Variants in NRXN3 observed in about 807,000 individuals in gnomAD.
The protein encoded by NRXN3 is neurexin III.
In NRXN3, 32 loss-of-function variants were observed where a neutral mutation model predicts 137.6. The ratio of observed to expected loss-of-function variants is 0.23; its 90% confidence interval spans 0.18 to 0.31. The LOEUF (loss-of-function observed/expected upper bound fraction) is 0.31, where lower values mean the gene tolerates loss of function less well. Among genes scored for constraint, NRXN3 ranks in the 10% least tolerant of loss-of-function variants. The pLI is 1.00. For synonymous variants in NRXN3, 798 were observed against 784.5 expected (o/e 1.02, Z -0.29); for missense variants, 1,574 against 2,062.5 (o/e 0.76, Z 4.59).
At chr14:79,743,525 A>G (rs1421897498) in intron 19 of NRXN3, among the ~76,000 whole-genome samples, 1 of 152,164 alleles carries the variant, frequency 6.6e-6, no homozygotes, top group East Asian at 1.9e-4. Flanking sequence ...CCCCCACCCC[A>G]CAACACTTTA....
At chr14:79,311,560 G>A (rs1252231167) in intron 15 of NRXN3, among the ~76,000 whole-genome samples, 1 of 112,126 alleles carries the variant, frequency 8.9e-6, no homozygotes, top group Non-Finnish European at 1.8e-5. Context: ...AATCCATCTG[G>A]TCCTGGACTC....
rs370669288 is a variant in NRXN3, at chr14:78,602,267, C to CTTTTTTTTTTT, written c.758-42842_758-42832dup. On this transcript the variant is annotated intron_variant, in intron 4 of 20. Coordinates refer to ENST00000335750, the MANE Select transcript of NRXN3 (RefSeq NM_001330195.2). ...GGTTTGGTTTGCATTTCACATTAGC[C>CTTTTTTTTTTT]TTTTTTTTTTTTTTTTTTTTTAAAT... Among the ~76,000 whole-genome samples, 573 of 115,170 alleles carry CTTTTTTTTTTT rather than the reference C, an allele frequency of 5.0e-3. 22 individuals are homozygous for CTTTTTTTTTTT. The highest frequency in any genetic ancestry group is 0.019 in the African/African-American group (509 of 27,220). The allele number at this position is 115,170 out of a possible 152,430, so 75.6% of individuals were successfully genotyped here.
intron 1 of NRXN3, among the ~76,000 whole-genome samples, chr14:78,219,710 T>C (rs2063644557): frequency 6.6e-6 from 1 of 152,242 alleles, no homozygotes; most frequent in Non-Finnish European, 1.5e-5. Flanking sequence ...TCTAAGGAGC[T>C]TGGACTCTTT....
chr14:79,283,533 A>G (rs989668782), intron 15 of NRXN3, among the ~76,000 whole-genome samples: 8 of 152,172 alleles, frequency 5.3e-5, no homozygotes, highest in Non-Finnish European at 1.2e-4. Flanking sequence ...AAAATTGGTT[A>G]TATTATAGAT....
At chr14:79,844,606 G>C (rs939718056) in intron 20 of NRXN3, among the ~76,000 whole-genome samples, 1 of 151,954 alleles carries the variant, frequency 6.6e-6, no homozygotes, top group African/African-American at 2.4e-5. Context: ...ATTTTGAAAG[G>C]AATCTTTTAT....
intron 16 of NRXN3, among the ~76,000 whole-genome samples, chr14:79,524,724 C>G (rs1479079815): frequency 6.6e-6 from 1 of 152,090 alleles, no homozygotes; most frequent in Non-Finnish European, 1.5e-5. Context: ...GCAAATTGAT[C>G]AGAGAAAAAG....
At chr14:78,577,214 C>T (rs953576092) in intron 4 of NRXN3, among the ~76,000 whole-genome samples, 1 of 152,184 alleles carries the variant, frequency 6.6e-6, no homozygotes, top group African/African-American at 2.4e-5. Context: ...GGAGTTACTA[C>T]ACATCTTTTA....
chr14:78,956,636 C>G (rs74674896), intron 10 of NRXN3, among the ~76,000 whole-genome samples: 1 of 152,076 alleles, frequency 6.6e-6, no homozygotes, highest in Non-Finnish European at 1.5e-5. Flanking sequence ...CCTCACATTC[C>G]CTTCAGGAGC....
At chr14:79,051,120 C>T (rs974609572) in intron 15 of NRXN3, among the ~76,000 whole-genome samples, 1 of 151,968 alleles carries the variant, frequency 6.6e-6, no homozygotes, top group Non-Finnish European at 1.5e-5. Flanking sequence ...GTGATAGAGC[C>T]AGAATCAGAA....
At chr14:79,461,528 A>G (rs755118522) in intron 15 of NRXN3, among the ~76,000 whole-genome samples, 11 of 152,188 alleles carry the variant, frequency 7.2e-5, no homozygotes, top group Non-Finnish European at 1.0e-4. Flanking sequence ...AAACTAAGTA[A>G]AAGAAATTGA....
At chr14:79,067,246 T>C (rs1049275944) in intron 15 of NRXN3, among the ~76,000 whole-genome samples, 3 of 152,216 alleles carry the variant, frequency 2.0e-5, no homozygotes, top group African/African-American at 7.2e-5. Context: ...TCTTTAGTTC[T>C]GTTAATATGA....
At chr14:78,874,971 G>A (rs959401081) in intron 10 of NRXN3, among the ~76,000 whole-genome samples, 6 of 152,226 alleles carry the variant, frequency 3.9e-5, no homozygotes, top group African/African-American at 1.4e-4. Context: ...AGAGAGGACA[G>A]ACTTGAGCAC....
At chr14:78,912,984 C>T (rs1353502232) in intron 10 of NRXN3, among the ~76,000 whole-genome samples, 1 of 151,924 alleles carries the variant, frequency 6.6e-6, no homozygotes, top group Non-Finnish European at 1.5e-5. Context: ...TTATTCAGCC[C>T]CTACTATGCC....
chr14:78,934,983 A>G (rs1027607978), intron 10 of NRXN3, among the ~76,000 whole-genome samples: 1 of 149,396 alleles, frequency 6.7e-6, no homozygotes, highest in Non-Finnish European at 1.5e-5. Context: ...AATAATAATA[A>G]AAGAAGAAAT....
intron 15 of NRXN3, among the ~76,000 whole-genome samples, chr14:79,458,128 AG>A (rs1472085320): frequency 6.6e-6 from 1 of 152,134 alleles, no homozygotes; most frequent in African/African-American, 2.4e-5. Flanking sequence ...CATCCCTGTT[AG>A]GTTAAATCTG....
intron 15 of NRXN3, among the ~76,000 whole-genome samples, chr14:79,366,091 G>A (rs1207975570): frequency 6.6e-6 from 1 of 152,144 alleles, no homozygotes; most frequent in Non-Finnish European, 1.5e-5. Context: ...AACACTGAAA[G>A]GGTTCAGTCC....
At chr14:78,662,305 C>A (rs1221051249) in intron 6 of NRXN3, among the ~76,000 whole-genome samples, 5 of 151,408 alleles carry the variant, frequency 3.3e-5, no homozygotes, top group Non-Finnish European at 7.4e-5. Flanking sequence ...ACTAATAGAA[C>A]CAGGGTCATT....
At chr14:78,927,146 C>G (rs2099307807) in intron 10 of NRXN3, among the ~76,000 whole-genome samples, 1 of 78,604 alleles carries the variant, frequency 1.3e-5, no homozygotes, top group Admixed American at 1.2e-4. Context: ...TGGAGTGAGA[C>G]CCTCAAAAAA....
chr14:79,208,545 A>G (rs1327456519), intron 15 of NRXN3, among the ~76,000 whole-genome samples: 1 of 152,126 alleles, frequency 6.6e-6, no homozygotes, highest in Non-Finnish European at 1.5e-5. Flanking sequence ...TATTCATCTA[A>G]ACTTTTATTT....
Sources: allele counts gnomAD v4.1 joint callset (sites outside exome capture counted in the v4.1 genomes callset), GRCh38; gene constraint gnomAD v4.1.1; transcripts MANE v1.5; gene names NCBI Gene and HGNC (gene_info 2026-07-23, HGNC 2026-07-21).